NT5C2: variants seen among roughly 807,000 people sequenced by gnomAD.
The protein encoded by NT5C2 is cytosolic purine 5'-nucleotidase.
In NT5C2, 58 loss-of-function variants were observed where a neutral mutation model predicts 76.1. That is an observed-to-expected ratio of 0.76 (90% CI 0.62 to 0.95). NT5C2 has a LOEUF of 0.95. Among genes scored for constraint, NT5C2 ranks in the 40% least tolerant of loss-of-function variants. The probability of loss-of-function intolerance (pLI) is 0.00; values close to 1 mark genes in which losing one functional copy is unlikely to be tolerated. For synonymous variants in NT5C2, 229 were observed against 237.4 expected (o/e 0.96, Z 0.32); for missense variants, 478 against 690.3 (o/e 0.69, Z 3.45).
intron 3 of NT5C2, among the ~76,000 whole-genome samples, chr10:103,150,653 A>C (rs1283383031): frequency 6.6e-6 from 1 of 152,210 alleles, no homozygotes; most frequent in Non-Finnish European, 1.5e-5. Flanking sequence ...ATTGCTCCAC[A>C]GTCAGTGTTT....
At chr10:103,172,704 C>T (rs2088524620) in intron 3 of NT5C2, among the ~76,000 whole-genome samples, 1 of 151,960 alleles carries the variant, frequency 6.6e-6, no homozygotes, top group African/African-American at 2.4e-5. Context: ...GGCATGGTGG[C>T]CACACCTGTA....
At chr10:103,100,611 G>A (rs2069338168) in intron 8 of NT5C2, 1 of 457,092 alleles carries the variant, frequency 2.2e-6, no homozygotes, top group South Asian at 1.6e-5. Flanking sequence ...AAGATACACA[G>A]TATTTATTCC....
intron 3 of NT5C2, among the ~76,000 whole-genome samples, chr10:103,158,771 T>C (rs1031619060): frequency 6.7e-6 from 1 of 149,550 alleles, no homozygotes; most frequent in Non-Finnish European, 1.5e-5. Context: ...TGAGCCGAGA[T>C]TGCGCCACTG....
At chr10:103,125,937 G>A (rs2076567149) in intron 4 of NT5C2, among the ~76,000 whole-genome samples, 1 of 152,126 alleles carries the variant, frequency 6.6e-6, no homozygotes, top group Admixed American at 6.5e-5. Context: ...TTCTTGCTCT[G>A]TCCCAGGTCC....
intron 1 of NT5C2, among the ~76,000 whole-genome samples, chr10:103,181,776 G>A (rs1192109694): frequency 6.6e-6 from 1 of 152,054 alleles, no homozygotes; most frequent in Non-Finnish European, 1.5e-5. Flanking sequence ...AGGCCAAGGT[G>A]GGTGGATCAT....
intron 3 of NT5C2, among the ~76,000 whole-genome samples, chr10:103,170,955 GAAGAAA>G (rs1459017451): frequency 6.6e-6 from 1 of 152,158 alleles, no homozygotes; most frequent in Non-Finnish European, 1.5e-5. Context: ...GCAAATAATT[GAAGAAA>G]AAGTATAGAA....
At position 103,165,501 on chromosome 10, in the gene NT5C2, A is replaced by G. The variant is rs992587823; in HGVS notation, c.101+9357T>C. On this transcript the variant is annotated intron_variant, in intron 3 of 18. Coordinates refer to ENST00000404739, the MANE Select transcript of NT5C2 (RefSeq NM_001351169.2). ...AGAGCAAAACTCCATCTCAAAAAAA[A>G]AAGAAAAACAGAAATCCTCCTGCCT... 3.8e-4 allele frequency among the ~76,000 whole-genome samples: 58 copies of G among 151,912 alleles called. No homozygotes were observed. In the Middle Eastern group the frequency reaches 0.01, roughly 27 times the overall value.
intron 4 of NT5C2, among the ~76,000 whole-genome samples, chr10:103,113,222 T>G (rs537225278): frequency 6.6e-6 from 1 of 152,276 alleles, no homozygotes; most frequent in Non-Finnish European, 1.5e-5. Flanking sequence ...AACTGCCAAT[T>G]TCAGTTTATT....
At chr10:103,093,758 G>C (rs532988276) in intron 14 of NT5C2, 1 of 504,066 alleles carries the variant, frequency 2.0e-6, no homozygotes, top group African/African-American at 1.9e-5. Context: ...AAAAAAAACT[G>C]ATCATTTTAG....
At chr10:103,136,260 G>A (rs546044751) in intron 4 of NT5C2, among the ~76,000 whole-genome samples, 1 of 152,292 alleles carries the variant, frequency 6.6e-6, no homozygotes, top group South Asian at 2.1e-4. Context: ...TGCATGCTTA[G>A]GTTTGAATCT....
intron 3 of NT5C2, among the ~76,000 whole-genome samples, chr10:103,173,014 A>C (rs1182449674): frequency 6.6e-6 from 1 of 152,008 alleles, no homozygotes; most frequent in Non-Finnish European, 1.5e-5. Context: ...TCTCAAAACA[A>C]AACAAAACAA....
At chr10:103,107,365 A>G (rs181040568) in intron 4 of NT5C2, among the ~76,000 whole-genome samples, 1 of 152,316 alleles carries the variant, frequency 6.6e-6, no homozygotes, top group African/African-American at 2.4e-5. Context: ...AAATCTAAAT[A>G]TGAAATGGAG....
chr10:103,132,331 G>C (rs2078348961), intron 4 of NT5C2, among the ~76,000 whole-genome samples: 1 of 151,678 alleles, frequency 6.6e-6, no homozygotes, highest in Non-Finnish European at 1.5e-5. Flanking sequence ...ACAACTAAAT[G>C]CAATATGCGA....
intron 4 of NT5C2, among the ~76,000 whole-genome samples, chr10:103,134,468 A>C (rs2078808346): frequency 6.6e-6 from 1 of 152,242 alleles, no homozygotes; most frequent in South Asian, 2.1e-4. Flanking sequence ...GCAAGTGCAC[A>C]GAAGTCAAAA....
At chr10:103,158,293 T>TAGC (rs1436525377) in intron 3 of NT5C2, among the ~76,000 whole-genome samples, 1 of 152,004 alleles carries the variant, frequency 6.6e-6, no homozygotes, top group East Asian at 1.9e-4. Flanking sequence ...TCTCAATTAA[T>TAGC]AGCCTAGCCT....
chr10:103,126,554 G>A (rs756161730), intron 4 of NT5C2, among the ~76,000 whole-genome samples: 16 of 152,266 alleles, frequency 1.1e-4, no homozygotes, highest in Middle Eastern at 6.8e-3. Context: ...CCTGGAAGGC[G>A]GAGGTTGCAG....
chr10:103,091,490 C>T, intron 16 of NT5C2, 74 bp downstream of exon 16: 1 of 1,171,832 alleles, frequency 8.5e-7, no homozygotes, highest in Non-Finnish European at 1.3e-6. Flanking sequence ...GGATTACTGG[C>T]CTGGAAAGAA....
chr10:103,185,028 C>T (rs2091834001), intron 1 of NT5C2, among the ~76,000 whole-genome samples: 1 of 152,146 alleles, frequency 6.6e-6, no homozygotes, highest in African/African-American at 2.4e-5. Flanking sequence ...GCTATGTTCT[C>T]ATCAACATTC....
intron 3 of NT5C2, among the ~76,000 whole-genome samples, chr10:103,154,833 T>C (rs2133871300): frequency 6.6e-6 from 1 of 152,308 alleles, no homozygotes; most frequent in African/African-American, 2.4e-5. Context: ...ACTACAAGAA[T>C]ACAAATTGAA....
Sources: gnomAD v4.1 joint callset for allele counts (sites outside exome capture counted in the v4.1 genomes callset) on GRCh38, gnomAD v4.1.1 for gene constraint, MANE v1.5 for transcripts, NCBI Gene and HGNC (gene_info 2026-07-23, HGNC 2026-07-21) for gene names.